AMZ1: variants seen among roughly 807,000 people sequenced by gnomAD.
The protein encoded by AMZ1 is archaelysin family metallopeptidase 1.
In AMZ1, 39 loss-of-function variants were observed where a neutral mutation model predicts 29.9. The observed-to-expected ratio is 1.30, with a 90% CI of 1.01 to 1.70. AMZ1 has a LOEUF of 1.70. Among genes scored for constraint, AMZ1 ranks in the 40% most tolerant of loss-of-function variants. AMZ1 has a pLI of 0.00. For synonymous variants in AMZ1, 458 were observed against 304.0 expected, an observed-to-expected ratio of 1.51 and a Z score of -5.27; for missense variants, 1,041 against 680.6, an observed-to-expected ratio of 1.53 and a Z score of -5.89.
chr7:2,730,320 CG>C (rs575000940), intron 4 of AMZ1: 60 of 152,522 alleles, frequency 3.9e-4, no homozygotes, highest in African/African-American at 1.4e-3. Flanking sequence ...GTGTCTTTGC[CG>C]TTGGGTTGGG....
chr7:2,701,970 G>C (rs28735111), intron 2 of AMZ1: 16,588 of 152,434 alleles, frequency 0.11, 2,736 homozygotes, highest in African/African-American at 0.36. Context: ...TGACACATGG[G>C]CATGTTGTTG....
intron 4 of AMZ1, among the ~76,000 whole-genome samples, chr7:2,727,807 G>A (rs1789683280): frequency 6.6e-6 from 1 of 151,730 alleles, no homozygotes; most frequent in Non-Finnish European, 1.5e-5. Context: ...CAGCACTGTG[G>A]GAGGCTGTGG....
Position 2,707,233 on chromosome 7 carries a change from C to T in AMZ1, c.473-1355C>T, listed in dbSNP as rs116292672. Among the ~76,000 whole-genome samples, 349 of 151,524 alleles carry T rather than the reference C, an allele frequency of 2.3e-3. 3 individuals are homozygous for T. The highest frequency in any genetic ancestry group is 8.2e-3 in the African/African-American group (339 of 41,276). ...GGTTACAGTGAACTGAGATAGATAGCGCCACTACACTGCAGCCTGGGCAAC... is the reference window on the plus strand; with the variant it reads ...GGTTACAGTGAACTGAGATAGATAGTGCCACTACACTGCAGCCTGGGCAAC... On this transcript the variant is annotated intron_variant, in intron 3 of 6. Transcript: ENST00000683327.
At chr7:2,690,759 AT>A (rs1230802473) in intron 1 of AMZ1, among the ~76,000 whole-genome samples, 1 of 152,098 alleles carries the variant, frequency 6.6e-6, no homozygotes, top group Non-Finnish European at 1.5e-5. Flanking sequence ...TCCTCCCTGA[AT>A]AACTTAGATG....
At chr7:2,722,407 G>A (rs1388862153), downstream of AMZ1, among the ~76,000 whole-genome samples, 3 of 151,996 alleles carry the variant, frequency 2.0e-5, no homozygotes, top group Non-Finnish European at 4.4e-5. Flanking sequence ...CAAGTAGCCG[G>A]GACTACAGGC....
At position 2,718,956 on chromosome 7, in the gene AMZ1, C is replaced by T. The variant is rs1008011494; in HGVS notation, c.*6078C>T. Among the ~76,000 whole-genome samples, 2 of 151,672 alleles carry T rather than the reference C, an allele frequency of 1.3e-5. No homozygotes were observed. The highest frequency in any genetic ancestry group is 2.9e-5 in the Non-Finnish European group (2 of 67,984). ...TACAGGAGAGCTCCGGCCATTTATT[C>T]CAAATGTATGAGCAGGAAGGAAAGA... On this transcript the variant is annotated 3_prime_UTR_variant, in exon 7 of 7. Transcript: ENST00000683327.
At chr7:2,708,966 G>T in intron 4 of AMZ1, 109 bp from the exon 5 acceptor site, 5 of 1,382,736 alleles carry the variant, frequency 3.6e-6, no homozygotes, top group Non-Finnish European at 4.9e-6. Flanking sequence ...GGACTGGTAT[G>T]TCTTTGGGCC....
At chr7:2,724,210 C>T (rs1036551673), downstream of AMZ1, among the ~76,000 whole-genome samples, 6 of 152,322 alleles carry the variant, frequency 3.9e-5, 1 homozygote, top group East Asian at 5.8e-4. Context: ...TGAGCCACTG[C>T]GCCCGGCCAC....
chr7:2,734,448 T>G (rs772639368), intron 4 of AMZ1, among the ~76,000 whole-genome samples: 3 of 152,316 alleles, frequency 2.0e-5, no homozygotes, highest in Middle Eastern at 3.4e-3. Flanking sequence ...CTTTCTGTGT[T>G]CTCATGGAAA....
chr7:2,753,516 T>C lies in AMZ1; in HGVS notation n.551-11196T>C, dbSNP rs189563185. 1.6e-4 allele frequency among the ~76,000 whole-genome samples: 24 copies of C among 152,326 alleles called. No homozygotes were observed. In the East Asian group the frequency reaches 4.6e-3, roughly 29 times the overall value. The stretch of plus-strand genomic sequence containing the variant: ...CTGCTCACACTGTTGCATCTGTCAG[T>C]AGCTTGCCCCTTTTTACTGCTGGGA... On this transcript the variant is annotated intron_variant and non_coding_transcript_variant, in intron 4 of 4. Coordinates refer to the AMZ1 transcript ENST00000489665.
chr7:2,724,050 C>T (rs1029943961), downstream of AMZ1, among the ~76,000 whole-genome samples: 54 of 151,458 alleles, frequency 3.6e-4, no homozygotes, highest in Non-Finnish European at 6.0e-4. Context: ...AGATTACAGG[C>T]GCCTGCCACC....
intron 3 of AMZ1, 60 bp downstream of exon 3, chr7:2,702,949 TGGGAGGAAGGCGCCCAG>T (rs1369331438): frequency 6.6e-7 from 1 of 1,504,960 alleles, no homozygotes; most frequent in East Asian, 2.5e-5. Flanking sequence ...AAGGAAGAGG[TGGGAGGAAGGCGCCCAG>T]GAGAGGAAGG....
chr7:2,763,808 C>T (rs1791687841), upstream of AMZ1, among the ~76,000 whole-genome samples: 1 of 152,148 alleles, frequency 6.6e-6, no homozygotes. Context: ...CCTGGGCAGG[C>T]GAGGCCGGGA....
intron 4 of AMZ1, among the ~76,000 whole-genome samples, chr7:2,753,849 C>T (rs1421516343): frequency 1.3e-5 from 2 of 152,156 alleles, no homozygotes; most frequent in East Asian, 1.9e-4. Context: ...GGGCAACCTC[C>T]TCTTCTGGTT....
intron 4 of AMZ1, among the ~76,000 whole-genome samples, chr7:2,741,146 A>G (rs909642756): frequency 6.6e-6 from 1 of 152,274 alleles, no homozygotes; most frequent in Non-Finnish European, 1.5e-5. Flanking sequence ...AAAATGAGCT[A>G]GAAAGAAATT....
At chr7:2,694,353 A>G (rs114007615) in intron 1 of AMZ1, among the ~76,000 whole-genome samples, 2,576 of 152,262 alleles carry the variant, frequency 0.017, 85 homozygotes, top group African/African-American at 0.059. Context: ...TTCGGACATG[A>G]GCTGAGTTTG....
At chr7:2,739,583 G>C (rs1790395655) in intron 4 of AMZ1, among the ~76,000 whole-genome samples, 1 of 152,206 alleles carries the variant, frequency 6.6e-6, no homozygotes, top group Non-Finnish European at 1.5e-5. Context: ...GTTGTGAACA[G>C]TGCTACAAAC....
rs1789315251 is a variant in AMZ1 at position 2,719,310 on chromosome 7, A to C, written c.*6432A>C. Among the ~76,000 whole-genome samples the C allele has an allele frequency of 6.6e-6, 1 of 152,174 alleles. No homozygotes were observed. The highest frequency in any genetic ancestry group is 2.1e-4 in the South Asian group (1 of 4,824). ...TTTCACGTGGGGCTCTTGATGGCAT[A>C]ACCTGATGTCTGTCACGGACCCCCA... On this transcript the variant is annotated 3_prime_UTR_variant, in exon 7 of 7. Transcript: ENST00000683327.
intron 4 of AMZ1, chr7:2,729,915 A>G (rs977863037): frequency 6.6e-6 from 1 of 152,378 alleles, no homozygotes; most frequent in African/African-American, 2.4e-5. Flanking sequence ...GCCAGCTCGT[A>G]TCAACATTCA....
Sources: gnomAD v4.1 joint callset for allele counts (sites outside exome capture counted in the v4.1 genomes callset) on GRCh38, gnomAD v4.1.1 for gene constraint, MANE v1.5 for transcripts, NCBI Gene and HGNC (gene_info 2026-07-23, HGNC 2026-07-21) for gene names.